The following TRAT1 variants were observed in gnomAD, a reference collection of about 807,000 sequenced individuals.
TRAT1 encodes the protein T cell receptor associated transmembrane adaptor 1.
In TRAT1, 20 loss-of-function variants were observed where a neutral mutation model predicts 20.0. The ratio of observed to expected loss-of-function variants is 1.00; its 90% confidence interval spans 0.70 to 1.45. TRAT1 has a LOEUF of 1.45. Among genes scored for constraint, TRAT1 ranks in the 40% most tolerant of loss-of-function variants. The pLI is 0.00. For missense variants in TRAT1, 237 were observed against 224.1 expected, an observed-to-expected ratio of 1.06 and a Z score of -0.37; for synonymous variants, 77 against 74.2, an observed-to-expected ratio of 1.04 and a Z score of -0.20.
At chr3:108,853,440 T>A (rs987898735) in intron 5 of TRAT1, among the ~76,000 whole-genome samples, 180 bp from the exon 6 acceptor site, 2 of 152,222 alleles carry the variant, frequency 1.3e-5, no homozygotes, top group African/African-American at 4.8e-5. Flanking sequence ...TCAAGAGTGT[T>A]GGCTGACTAT....
chr3:108,845,780 A>G (rs995285071), intron 3 of TRAT1, among the ~76,000 whole-genome samples: 1 of 151,690 alleles, frequency 6.6e-6, no homozygotes, highest in African/African-American at 2.4e-5. Context: ...AGTCGGTACT[A>G]TTTTATGAAA....
At chr3:108,828,488 G>A (rs897251561) in intron 1 of TRAT1, among the ~76,000 whole-genome samples, 2 of 152,110 alleles carry the variant, frequency 1.3e-5, no homozygotes, top group Non-Finnish European at 2.9e-5. Context: ...GTGTATCAAA[G>A]ACAGACAGAT....
At chr3:108,850,733 T>C (rs2246863) in intron 5 of TRAT1, among the ~76,000 whole-genome samples, 6,495 of 152,334 alleles carry the variant, frequency 0.043, 439 homozygotes, top group African/African-American at 0.14. Context: ...CTGCATGATA[T>C]AATATGATTT....
intron 2 of TRAT1, among the ~76,000 whole-genome samples, chr3:108,838,344 GATATAGATAGATGATAGATAGATAGAT>G (rs1440418417): frequency 2.4e-4 from 21 of 86,846 alleles, no homozygotes; most frequent in African/African-American, 1.3e-3. Context: ...ATAGATGATA[GATATAGATAGATGATAGATAGATAGAT>G]AGATAGATAG....
intron 1 of TRAT1, among the ~76,000 whole-genome samples, chr3:108,824,763 T>C (rs1337568219): frequency 1.3e-5 from 2 of 152,326 alleles, no homozygotes; most frequent in East Asian, 3.9e-4. Context: ...CAAAAACAAG[T>C]GTCCCAATTT....
At chr3:108,851,571 AT>A (rs978682301) in intron 5 of TRAT1, among the ~76,000 whole-genome samples, 15 of 150,840 alleles carry the variant, frequency 9.9e-5, no homozygotes, top group African/African-American at 3.7e-4. Context: ...TCAAGTTTCC[AT>A]TTTTTTAATG....
At chr3:108,846,312 C>T (rs1019245628) in intron 3 of TRAT1, among the ~76,000 whole-genome samples, 7 of 152,148 alleles carry the variant, frequency 4.6e-5, no homozygotes, top group African/African-American at 1.7e-4. Flanking sequence ...GAAAAGGTTT[C>T]ACAACTGGTA....
At chr3:108,837,688 C>CT (rs780587543) in intron 2 of TRAT1, among the ~76,000 whole-genome samples, 17 of 152,146 alleles carry the variant, frequency 1.1e-4, no homozygotes, top group South Asian at 2.1e-4. Flanking sequence ...ACATTAATAA[C>CT]TTTTTTGCAA....
chr3:108,843,239 A>C (rs951217606), intron 3 of TRAT1, among the ~76,000 whole-genome samples: 1 of 152,134 alleles, frequency 6.6e-6, no homozygotes, highest in Non-Finnish European at 1.5e-5. Context: ...TCTCCTTAAA[A>C]CTAGATTGCC....
intron 5 of TRAT1, 71 bp from the exon 6 acceptor site, chr3:108,853,549 G>A (rs529003345): frequency 3.7e-5 from 57 of 1,529,032 alleles, no homozygotes; most frequent in African/African-American, 1.4e-4. Flanking sequence ...GTTTTCATAC[G>A]CCACAGAAAT....
intron 4 of TRAT1, among the ~76,000 whole-genome samples, chr3:108,848,655 G>A (rs183283544): frequency 5.7e-4 from 87 of 152,236 alleles, no homozygotes; most frequent in African/African-American, 1.8e-3. Flanking sequence ...ACTGATTGAT[G>A]GGACAAAAGT....
chr3:108,850,506 T>C (rs1386618574), intron 5 of TRAT1, among the ~76,000 whole-genome samples: 1 of 152,024 alleles, frequency 6.6e-6, no homozygotes, highest in African/African-American at 2.4e-5. Context: ...GGTTTCACCA[T>C]GTTGGTTAGG....
chr3:108,823,913 C>T (rs941151471), intron 1 of TRAT1, among the ~76,000 whole-genome samples: 2 of 151,798 alleles, frequency 1.3e-5, no homozygotes, highest in African/African-American at 2.4e-5. Flanking sequence ...CTCTTTGTTG[C>T]CAGGCAGGAG....
rs996294052 is a variant in TRAT1, at chr3:108,838,682, A to G, written c.119-252A>G. On this transcript the variant is annotated intron_variant, in intron 2 of 5. Coordinates refer to ENST00000295756, the MANE Select transcript of TRAT1 (RefSeq NM_016388.4). ...TCCAAGCTGCACTGTTTCCACCCCAAATTACCAAGAAAGTTGCTCTGGTTT... is the reference window on the plus strand; with the variant it reads ...TCCAAGCTGCACTGTTTCCACCCCAGATTACCAAGAAAGTTGCTCTGGTTT... 3.9e-5 allele frequency among the ~76,000 whole-genome samples: 6 copies of G among 152,126 alleles called. No individual in the cohort carries two copies. In the East Asian group the frequency reaches 1.2e-3, roughly 29 times the overall value.
At chr3:108,831,641 A>G (rs192516333) in intron 2 of TRAT1, among the ~76,000 whole-genome samples, 93 of 151,752 alleles carry the variant, frequency 6.1e-4, no homozygotes, top group African/African-American at 2.0e-3. Flanking sequence ...CTGTGCTCAA[A>G]CAATCCTCTT....
At chr3:108,842,281 G>A (rs901237510) in intron 3 of TRAT1, among the ~76,000 whole-genome samples, 9 of 152,080 alleles carry the variant, frequency 5.9e-5, no homozygotes, top group African/African-American at 1.4e-4. Context: ...TCTACTTTCC[G>A]GTGATTTCTT....
chr3:108,852,451 T>C (rs1056915976), intron 5 of TRAT1, among the ~76,000 whole-genome samples: 1 of 152,132 alleles, frequency 6.6e-6, no homozygotes, highest in Non-Finnish European at 1.5e-5. Context: ...AACCATCTTT[T>C]CTATCTGGCA....
At position 108,853,778 on chromosome 3, in the gene TRAT1, C is replaced by G. The variant is rs774988510; in HGVS notation, c.462C>G (p.Asp154Glu). The part of the protein sequence containing the change: ...DASVSKTTLV[D>E]SFSPESQAVE... ...GCGTTTCTAAGACCACCTTAGTAGA[C>G]AGTTTCTCCCCAGAAAGCCAGGCAG... The change falls in exon 6 of 6, where the codon GAC (aspartate) becomes GAG (glutamate). Residue 154 changes from aspartate to glutamate, a missense_variant. Coordinates refer to ENST00000295756, the MANE Select transcript of TRAT1 (RefSeq NM_016388.4). 9.3e-6 allele frequency: 15 copies of G among 1,614,020 alleles called. No homozygotes were observed. Among genetic ancestry groups the G allele is most frequent in the African/African-American group, 1.3e-5 (1 of 74,932 alleles).
At chr3:108,848,368 T>C (rs1447713) in intron 4 of TRAT1, among the ~76,000 whole-genome samples, 83,703 of 152,050 alleles carry the variant, frequency 0.55, 23,479 homozygotes, top group East Asian at 0.9. Context: ...GCTTTTCTTA[T>C]AGTAAATATA....
Sources: gnomAD v4.1 joint callset for allele counts (sites outside exome capture counted in the v4.1 genomes callset) on GRCh38, gnomAD v4.1.1 for gene constraint, MANE v1.5 for transcripts, NCBI Gene and HGNC (gene_info 2026-07-23, HGNC 2026-07-21) for gene names.